Variants in SRGAP1 observed in about 807,000 individuals in gnomAD.
SRGAP1 encodes the protein SLIT-ROBO Rho GTPase-activating protein 1.
In SRGAP1, 43 loss-of-function variants were observed where a neutral mutation model predicts 121.9. The observed-to-expected ratio is 0.35, with a 90% CI of 0.28 to 0.46. The LOEUF (loss-of-function observed/expected upper bound fraction) is 0.46, where lower values mean the gene tolerates loss of function less well. Ranked by LOEUF, SRGAP1 falls within the 20% of genes least tolerant of loss-of-function variation. The probability of loss-of-function intolerance (pLI) is 1.00; values close to 1 mark genes in which losing one functional copy is unlikely to be tolerated. For missense variants in SRGAP1, 1,102 were observed against 1,350.9 expected (o/e 0.82, Z 2.89); for synonymous variants, 447 against 485.4 (o/e 0.92, Z 1.04).
chr12:64,071,714 G>A (rs1331267572), intron 8 of SRGAP1, among the ~76,000 whole-genome samples: 4 of 152,168 alleles, frequency 2.6e-5, no homozygotes, highest in Non-Finnish European at 5.9e-5. Context: ...GAGCAACAAT[G>A]ATGTTTTCTT....
At chr12:64,082,768 A>T (rs968282201) in intron 10 of SRGAP1, among the ~76,000 whole-genome samples, 2 of 151,986 alleles carry the variant, frequency 1.3e-5, no homozygotes, top group African/African-American at 2.4e-5. Flanking sequence ...TTATCTTGGA[A>T]TTTTTTTCAA....
chr12:63,948,469 A>T (rs954291759), intron 1 of SRGAP1, among the ~76,000 whole-genome samples: 1 of 152,182 alleles, frequency 6.6e-6, no homozygotes, highest in Non-Finnish European at 1.5e-5. Flanking sequence ...GGACACAGTC[A>T]TCTCTGTCTT....
intron 1 of SRGAP1, among the ~76,000 whole-genome samples, chr12:63,964,901 C>T (rs532017262): frequency 1.5e-4 from 23 of 152,268 alleles, no homozygotes; most frequent in African/African-American, 5.1e-4. Flanking sequence ...GGATCTGGAT[C>T]CATTGATCTC....
At chr12:63,906,966 G>A (rs1203878816) in intron 1 of SRGAP1, among the ~76,000 whole-genome samples, 1 of 151,822 alleles carries the variant, frequency 6.6e-6, no homozygotes, top group Non-Finnish European at 1.5e-5. Flanking sequence ...GCATTTTGAG[G>A]AACTGCCAAA....
At position 63,979,817 on chromosome 12, in the gene SRGAP1, G is replaced by A. The variant is rs144757945; in HGVS notation, c.68-4130G>A. On this transcript the variant is annotated intron_variant, in intron 1 of 21. Transcript: ENST00000355086. Reference sequence around the variant, plus strand: ...TAAAAACGCCTCTAAAAAGGGGTGGGAGCCTTAATAGACTGTCAGAGAATC... The same window carrying A: ...TAAAAACGCCTCTAAAAAGGGGTGGAAGCCTTAATAGACTGTCAGAGAATC... Among the ~76,000 whole-genome samples, 519 of 152,288 alleles carry A rather than the reference G, an allele frequency of 3.4e-3. 4 individuals are homozygous for A. Among genetic ancestry groups the A allele is most frequent in the African/African-American group, 0.012 (490 of 41,554 alleles).
At position 64,043,588 on chromosome 12, in the gene SRGAP1, A is replaced by G. The variant is rs1365465423; in HGVS notation, c.801+13A>G. ...TGATTTAATTGATGTGAGTACTTGA[A>G]GTTTTTGTCTTTTCCATATTAAAAT... On this transcript the variant is annotated intron_variant, in intron 6 of 21. Coordinates refer to ENST00000355086, the MANE Select transcript of SRGAP1 (RefSeq NM_020762.4). 1 of 1,574,956 alleles carries G rather than the reference A, an allele frequency of 6.3e-7. No individual in the cohort carries two copies. Among genetic ancestry groups the G allele is most frequent in the African/African-American group, 1.4e-5 (1 of 73,058 alleles).
At chr12:63,892,261 T>C (rs558401338) in intron 1 of SRGAP1, among the ~76,000 whole-genome samples, 11 of 152,312 alleles carry the variant, frequency 7.2e-5, no homozygotes, top group South Asian at 2.1e-4. Flanking sequence ...TTCTGGTGCT[T>C]ACTGCCATAT....
At position 64,152,990 on chromosome 12, in the gene SRGAP1, T is replaced by A. The variant is rs1329628903; in HGVS notation, c.*10318T>A. On this transcript the variant is annotated 3_prime_UTR_variant, in exon 22 of 22. Coordinates refer to ENST00000355086, the MANE Select transcript of SRGAP1 (RefSeq NM_020762.4). ...CAAAATAATTTCAGGTGTTGATAAC[T>A]GCTACAAAAAGCAAAAGTGAAATAA... The A allele has an allele frequency of 6.7e-6, 1 of 150,298 alleles. No individual in the cohort carries two copies. The highest frequency in any genetic ancestry group is 1.5e-5 in the Non-Finnish European group (1 of 67,786). The allele number at this position is 150,298 out of a possible 1,614,324, so 9.3% of individuals were successfully genotyped here. A position where few individuals can be genotyped will look rare whatever the true frequency, so the allele number is the denominator to read the frequency against.
At chr12:63,969,361 T>G (rs1033805641) in intron 1 of SRGAP1, among the ~76,000 whole-genome samples, 131 of 152,314 alleles carry the variant, frequency 8.6e-4, no homozygotes, top group African/African-American at 3.1e-3. Flanking sequence ...GGAGGTCTTA[T>G]AACCGAATAA....
intron 11 of SRGAP1, among the ~76,000 whole-genome samples, chr12:64,087,331 G>A (rs1473088995): frequency 1.3e-5 from 2 of 152,032 alleles, no homozygotes; most frequent in Admixed American, 6.6e-5. Flanking sequence ...AGCGTGACAG[G>A]ACTTTTGATT....
intron 1 of SRGAP1, among the ~76,000 whole-genome samples, chr12:63,855,480 T>TG (rs1899212606): frequency 8.8e-6 from 1 of 113,312 alleles, no homozygotes; most frequent in Non-Finnish European, 1.9e-5. Flanking sequence ...GGTGTTTTTT[T>TG]TTTTTTTTTT....
At chr12:63,950,640 G>C (rs936219883) in intron 1 of SRGAP1, among the ~76,000 whole-genome samples, 19 of 151,876 alleles carry the variant, frequency 1.3e-4, no homozygotes, top group African/African-American at 4.1e-4. Flanking sequence ...GTCCCTCCGT[G>C]CCCTCCTTTC....
rs1238106442 is a variant in SRGAP1, at chr12:64,160,372, G to A, written c.*17700G>A. 6.6e-6 allele frequency: 1 copy of A among 152,116 alleles called. No homozygotes were observed. The highest frequency in any genetic ancestry group is 1.9e-4 in the East Asian group (1 of 5,194). 9.4% of individuals were successfully genotyped at this position (152,116 alleles called of 1,614,324 possible). On this transcript the variant is annotated 3_prime_UTR_variant, in exon 22 of 22. Coordinates refer to ENST00000355086, the MANE Select transcript of SRGAP1 (RefSeq NM_020762.4). ...ATCTCACATGTAATTGTGATAGTCT[G>A]GCTGAGTATAAAATCTTACTTAGGA...
chr12:63,870,889 C>T (rs761253355), intron 1 of SRGAP1, among the ~76,000 whole-genome samples: 8 of 152,260 alleles, frequency 5.3e-5, no homozygotes, highest in Middle Eastern at 3.4e-3. Context: ...GCCTTCCTAG[C>T]TTGATTTTCT....
chr12:64,005,298 A>G (rs1016611967), intron 3 of SRGAP1, among the ~76,000 whole-genome samples: 24 of 152,244 alleles, frequency 1.6e-4, no homozygotes, highest in African/African-American at 5.3e-4. Context: ...TCAAATGAAC[A>G]CATAGAACCA....
At chr12:64,007,657 G>C (rs2034126163) in intron 3 of SRGAP1, among the ~76,000 whole-genome samples, 1 of 152,132 alleles carries the variant, frequency 6.6e-6, no homozygotes, top group African/African-American at 2.4e-5. Flanking sequence ...TCATACAGAA[G>C]ATGGTATCAG....
At chr12:63,913,972 A>G (rs2030667612) in intron 1 of SRGAP1, among the ~76,000 whole-genome samples, 1 of 152,074 alleles carries the variant, frequency 6.6e-6, no homozygotes, top group Non-Finnish European at 1.5e-5. Context: ...AGCACTATTT[A>G]TTATTTTTTC....
chr12:64,142,000 AT>A (rs1406705739), intron 21 of SRGAP1, among the ~76,000 whole-genome samples: 3 of 151,758 alleles, frequency 2.0e-5, no homozygotes, highest in Admixed American at 6.6e-5. Flanking sequence ...AAAGAAAAAA[AT>A]TTTTTTTTAA....
chr12:64,103,544 G>C (rs2036292948), intron 15 of SRGAP1, among the ~76,000 whole-genome samples: 1 of 151,930 alleles, frequency 6.6e-6, no homozygotes, highest in Admixed American at 6.5e-5. Flanking sequence ...CTCTTTTTCT[G>C]GTGCTCAATA....
Sources: gnomAD v4.1 joint callset for allele counts (sites outside exome capture counted in the v4.1 genomes callset) on GRCh38, gnomAD v4.1.1 for gene constraint, MANE v1.5 for transcripts, NCBI Gene and HGNC (gene_info 2026-07-23, HGNC 2026-07-21) for gene names.